Variants in ACKR3 observed in about 807,000 individuals in gnomAD.
ACKR3 encodes C-X-C chemokine receptor type 7.
A neutral mutation model predicts 22.4 loss-of-function variants in ACKR3; 6 were observed. The ratio of observed to expected loss-of-function variants is 0.27; its 90% CI spans 0.15 to 0.53. The LOEUF (loss-of-function observed/expected upper bound fraction) is 0.53. ACKR3 is among the 20% of genes least tolerant of loss of function. ACKR3 has a pLI of 0.96. For synonymous variants in ACKR3, 209 were observed against 205.2 expected, an observed-to-expected ratio of 1.02 and a Z score of -0.16; for missense variants, 396 against 475.2, an observed-to-expected ratio of 0.83 and a Z score of 1.55.
At chr2:236,543,996 CTT>C in the ACKR3 span, among the ~76,000 whole-genome samples, 1 of 48,032 alleles carries the variant, frequency 2.1e-5, no homozygotes, top group South Asian at 7.8e-4. Context: ...TATATATACA[CTT>C]TTTTTTTTTT....
chr2:236,553,783 G>T, the ACKR3 span, among the ~76,000 whole-genome samples: 1 of 152,264 alleles, frequency 6.6e-6, no homozygotes, highest in African/African-American at 2.4e-5. Context: ...CTCTTGGTTT[G>T]TCAGCGTCTG....
intron 1 of ACKR3, among the ~76,000 whole-genome samples, chr2:236,579,994 G>T (rs144337876): frequency 6.6e-6 from 1 of 152,262 alleles, no homozygotes; most frequent in Non-Finnish European, 1.5e-5. Flanking sequence ...AGCAGTGCCA[G>T]GAGAGGACAA....
intron 1 of ACKR3, among the ~76,000 whole-genome samples, chr2:236,578,636 A>T (rs1691461551): frequency 6.6e-6 from 1 of 152,196 alleles, no homozygotes; most frequent in Admixed American, 6.5e-5. Context: ...GAAGCCCGCA[A>T]CAGTCTCCGC....
upstream of ACKR3, among the ~76,000 whole-genome samples, chr2:236,567,621 C>T (rs1327425954): frequency 6.6e-6 from 1 of 152,224 alleles, no homozygotes; most frequent in African/African-American, 2.4e-5. Flanking sequence ...AGTTCAGGCC[C>T]CAAGCACCCA....
upstream of ACKR3, among the ~76,000 whole-genome samples, chr2:236,564,240 A>C (rs1691136805): frequency 6.6e-6 from 1 of 152,196 alleles, no homozygotes; most frequent in Non-Finnish European, 1.5e-5. Context: ...GAGGCCTCTA[A>C]AGGGTACCTA....
chr2:236,563,795 C>T (rs1014343682), upstream of ACKR3, among the ~76,000 whole-genome samples: 9 of 152,286 alleles, frequency 5.9e-5, no homozygotes, highest in Non-Finnish European at 1.2e-4. Flanking sequence ...CCCAGACTTG[C>T]GACTGGAACT....
At chr2:236,579,185 C>T (rs1484938544) in intron 1 of ACKR3, among the ~76,000 whole-genome samples, 1 of 152,186 alleles carries the variant, frequency 6.6e-6, no homozygotes, top group Non-Finnish European at 1.5e-5. Flanking sequence ...GGACCCTGAT[C>T]CCCTGACCCT....
chr2:236,571,298 C>A (rs1426843083), intron 1 of ACKR3, among the ~76,000 whole-genome samples: 1 of 152,114 alleles, frequency 6.6e-6, no homozygotes, highest in African/African-American at 2.4e-5. Flanking sequence ...AATGTGCACA[C>A]AACTGCAGAG....
At chr2:236,565,976 G>A (rs1372726976), upstream of ACKR3, among the ~76,000 whole-genome samples, 2 of 152,152 alleles carry the variant, frequency 1.3e-5, no homozygotes, top group African/African-American at 2.4e-5. Flanking sequence ...GGAACGCCTC[G>A]TCCTCAGGCC....
At position 236,569,907 on chromosome 2, in the gene ACKR3, A is replaced by C. The variant is rs1343071893; in HGVS notation, c.-44A>C. The C allele has an allele frequency of 1.3e-5, 2 of 152,998 alleles. No homozygotes were observed. Among genetic ancestry groups the C allele is most frequent in the Non-Finnish European group, 2.9e-5 (2 of 68,698 alleles). 9.5% of individuals were successfully genotyped at this position (152,998 alleles called of 1,614,324 possible). ...GCGAGCGAGCCCAGCCAGCCCAGCC[A>C]GCCCAGCCAGCCCGGAGGTAAGGAA... On this transcript the variant is annotated 5_prime_UTR_variant, in exon 1 of 2. Coordinates refer to ENST00000272928, the MANE Select transcript of ACKR3 (RefSeq NM_020311.3).
chr2:236,581,590 T>G lies in ACKR3; in HGVS notation c.*36T>G. 1 of 1,588,500 alleles carries G rather than the reference T, an allele frequency of 6.3e-7. No individual in the cohort carries two copies. Among genetic ancestry groups the G allele is most frequent in the South Asian group, 1.1e-5 (1 of 87,668 alleles). On this transcript the variant is annotated 3_prime_UTR_variant, in exon 2 of 2. Transcript: ENST00000272928. This position sits in a 1 kb window ranked among gnomAD's most constrained non-coding sequence, Gnocchi z 4.4. ...AGAGGCTCTGGGACGGGTTTACTTGTTTTTGAACAGGGTGATGGGCCCTAT... is the reference window on the plus strand; with the variant it reads ...AGAGGCTCTGGGACGGGTTTACTTGGTTTTGAACAGGGTGATGGGCCCTAT...
the ACKR3 span, among the ~76,000 whole-genome samples, chr2:236,548,754 C>A: frequency 1.3e-5 from 2 of 152,202 alleles, no homozygotes; most frequent in Non-Finnish European, 2.9e-5. This position sits in a 1 kb window ranked among gnomAD's most constrained non-coding sequence, Gnocchi z 4.3. Context: ...CAGATGTTGA[C>A]CTTCTCTGAC....
At chr2:236,549,089 A>C in the ACKR3 span, among the ~76,000 whole-genome samples, 3 of 152,210 alleles carry the variant, frequency 2.0e-5, no homozygotes, top group South Asian at 6.2e-4. The surrounding 1 kb of genome is among the most constrained non-coding windows in gnomAD (Gnocchi z 5.3). Flanking sequence ...CTCATGGTAA[A>C]CTTTGCTTAT....
intron 1 of ACKR3, 54 bp from the exon 2 acceptor site, chr2:236,580,386 C>A: frequency 6.5e-7 from 1 of 1,535,118 alleles, no homozygotes; most frequent in Non-Finnish European, 8.8e-7. Context: ...TGAGTTTTTC[C>A]TAATGAAGTG....
chr2:236,549,128 C>T, the ACKR3 span, among the ~76,000 whole-genome samples: 8 of 152,158 alleles, frequency 5.3e-5, no homozygotes, highest in Non-Finnish European at 1.5e-5. This position sits in a 1 kb window ranked among gnomAD's most constrained non-coding sequence, Gnocchi z 5.3. Flanking sequence ...TTCTCATTTC[C>T]AACAAATTTG....
chr2:236,580,539 A>G lies in ACKR3; in HGVS notation c.74A>G (p.Asp25Gly), dbSNP rs762287637. The part of the protein sequence containing the change: ...SDISWPCNSS[D>G]CIVVDTVMCP... Reference sequence around the variant, plus strand: ...ATCAGCTGGCCATGCAACAGCAGCGACTGCATCGTGGTGGACACGGTGATG... The same window carrying G: ...ATCAGCTGGCCATGCAACAGCAGCGGCTGCATCGTGGTGGACACGGTGATG... The change falls in exon 2 of 2, where the codon GAC becomes GGC. Residue 25 changes from aspartate (D) to glycine (G), a missense_variant. Transcript: ENST00000272928. 1.8e-5 allele frequency: 29 copies of G among 1,614,132 alleles called. No homozygotes were observed. Among genetic ancestry groups the G allele is most frequent in the Non-Finnish European group, 4.2e-6 (5 of 1,180,048 alleles).
rs77781260 is a variant in ACKR3, at chr2:236,578,397, T to C, written c.-26-2043T>C. 2.6e-3 allele frequency among the ~76,000 whole-genome samples: 396 copies of C among 152,328 alleles called. 8 individuals carry two copies. The East Asian group carries it at 0.062, about 24-fold the overall frequency. On this transcript the variant is annotated intron_variant, in intron 1 of 1. Coordinates refer to ENST00000272928, the MANE Select transcript of ACKR3 (RefSeq NM_020311.3). ...CTTGGGCATCAGGGCTTGTCATAAG[T>C]CCGTGGTCACAGGGCTTGATTCCTC... is the stretch of plus-strand genomic sequence containing the variant.
At chr2:236,543,248 G>C in the ACKR3 span, among the ~76,000 whole-genome samples, 1 of 152,212 alleles carries the variant, frequency 6.6e-6, no homozygotes, top group Admixed American at 6.5e-5. Context: ...CTTGGACTCA[G>C]GGGATGTGGA....
the ACKR3 span, among the ~76,000 whole-genome samples, chr2:236,559,869 C>T: frequency 1.3e-5 from 2 of 152,180 alleles, no homozygotes; most frequent in African/African-American, 4.8e-5. Context: ...TTTGGACTCT[C>T]TATTTTGTTT....
Sources: gnomAD v4.1 joint callset for allele counts (sites outside exome capture counted in the v4.1 genomes callset) on GRCh38, gnomAD v4.1.1 for gene constraint, Gnocchi (gnomAD v3.1) non-coding constraint, MANE v1.5 for transcripts, NCBI Gene and HGNC (gene_info 2026-07-23, HGNC 2026-07-21) for gene names.